AQR: variants seen among roughly 807,000 people sequenced by gnomAD.
AQR encodes the protein RNA helicase aquarius.
Under a neutral mutation model 180.5 loss-of-function variants are expected in AQR, and 61 were observed. The observed-to-expected ratio is 0.34, with a 90% CI of 0.28 to 0.42. AQR has a LOEUF of 0.42. Among genes scored for constraint, AQR ranks in the 10% least tolerant of loss-of-function variants. The pLI is 1.00. For missense variants in AQR, 1,281 were observed against 1,798.3 expected (o/e 0.71, Z 5.20); for synonymous variants, 551 against 588.8 (o/e 0.94, Z 0.93).
At position 34,858,252 on chromosome 15, in the gene AQR, A is replaced by G. The variant is rs139602013; in HGVS notation, c.4144-1146T>C. On this transcript the variant is annotated intron_variant, in intron 34 of 34. Transcript: ENST00000156471. Reference sequence around the variant, plus strand: ...ACCTACCTCAGCCTCCCAAAGTGCTAGGATTACAGGCATAAGCCACCGCGC... The same window carrying G: ...ACCTACCTCAGCCTCCCAAAGTGCTGGGATTACAGGCATAAGCCACCGCGC... Among the ~76,000 whole-genome samples, 274 of 147,346 alleles carry G rather than the reference A, an allele frequency of 1.9e-3. 6 individuals are homozygous for G. In the Middle Eastern group the frequency reaches 0.028, roughly 15 times the overall value.
intron 30 of AQR, 45 bp downstream of exon 30, chr15:34,873,783 C>A: frequency 2.7e-6 from 4 of 1,469,812 alleles, no homozygotes; most frequent in Non-Finnish European, 3.6e-6. Flanking sequence ...CATATGTCAG[C>A]CAGCAAATGC....
Position 34,874,784 on chromosome 15 carries a change from G to A in AQR, c.3318C>T (p.Asn1106=), listed in dbSNP as rs1892868885. 6.2e-7 allele frequency: 1 copy of A among 1,613,834 alleles called. No homozygotes were observed. The highest frequency in any genetic ancestry group is 1.1e-5 in the South Asian group (1 of 91,070). ...TGTTTGAGTACTTTTGAAAGGCCATGTTCTTAATAACTGGAGGTAACTGGT... is the reference window on the plus strand; with the variant it reads ...TGTTTGAGTACTTTTGAAAGGCCATATTCTTAATAACTGGAGGTAACTGGT... The part of the protein sequence containing the change: ...DHHQLPPVIK[N]MAFQKYSNME... Residue 1106 remains asparagine, a synonymous_variant, in exon 29 of 35, where the codon AAC becomes AAT. Coordinates refer to ENST00000156471, the MANE Select transcript of AQR (RefSeq NM_014691.3).
In AQR at chr15:34,867,713, C is replaced by T. The variant is rs1892756438; in HGVS notation, c.3769-104G>A. 11 of 778,552 alleles carry T rather than the reference C, an allele frequency of 1.4e-5. No individual in the cohort carries two copies. In the South Asian group the frequency reaches 1.6e-4, roughly 11 times the overall value. The allele number at this position is 778,552 out of a possible 1,614,324, so 48.2% of individuals were successfully genotyped here. ...AACAAACATCTTATCCTTAATCAATCCCAAAAGAAACATAATCATAGGCTT... is the reference window on the plus strand; with the variant it reads ...AACAAACATCTTATCCTTAATCAATTCCAAAAGAAACATAATCATAGGCTT... On this transcript the variant is annotated intron_variant, in intron 31 of 34. Transcript: ENST00000156471.
rs979976552 is a variant in AQR, at chr15:34,855,617, T to G, written c.*1175A>C. 1.1e-4 allele frequency: 16 copies of G among 151,746 alleles called. No homozygotes were observed. Among genetic ancestry groups the G allele is most frequent in the African/African-American group, 3.9e-4 (16 of 41,252 alleles). The allele number at this position is 151,746 out of a possible 1,614,324, so 9.4% of individuals were successfully genotyped here. On this transcript the variant is annotated 3_prime_UTR_variant, in exon 35 of 35. Transcript: ENST00000156471. The stretch of plus-strand genomic sequence containing the variant: ...CCTTGTCAGAAAACATTAGTCACAT[T>G]CACTGGTAATTCTACATTATAGCCT...
At chr15:34,858,933 A>G (rs1892630774) in intron 34 of AQR, among the ~76,000 whole-genome samples, 1 of 152,222 alleles carries the variant, frequency 6.6e-6, no homozygotes, top group Non-Finnish European at 1.5e-5. Flanking sequence ...AAATTAACTC[A>G]AAATGCATCA....
In AQR at chr15:34,932,423, G is replaced by A. The variant is rs756410152; in HGVS notation, c.795C>T (p.Pro265=). 1.9e-6 allele frequency: 3 copies of A among 1,592,886 alleles called. No individual in the cohort carries two copies. The highest frequency in any genetic ancestry group is 1.7e-4 in the Middle Eastern group (1 of 5,942). Residue 265 remains proline (P), a synonymous_variant, in exon 11 of 35, where the codon CCC becomes CCT. Coordinates refer to ENST00000156471, the MANE Select transcript of AQR (RefSeq NM_014691.3). Reference sequence around the variant, plus strand: ...GGATGGTATTAAACCAGCGCCTTGTGGGTAGCAGGGCCTGGGAAAAACAAA... The same window carrying A: ...GGATGGTATTAAACCAGCGCCTTGTAGGTAGCAGGGCCTGGGAAAAACAAA... ...ELMIDLEALL[P]TRRWFNTILD... is the part of the protein sequence containing the mutation.
chr15:34,856,633 TA>T lies in AQR; in HGVS notation c.*158del. ...ACTAGAATTGTTCATACACATAATT[TA>T]AAAAAATATATTCAAGACACCGAAA... On this transcript the variant is annotated 3_prime_UTR_variant, in exon 35 of 35. Transcript: ENST00000156471. 1 of 567,596 alleles carries T rather than the reference TA, an allele frequency of 1.8e-6. No homozygotes were observed. The highest frequency in any genetic ancestry group is 2.8e-6 in the Non-Finnish European group (1 of 352,204). The allele number at this position is 567,596 out of a possible 1,614,324, so 35.2% of individuals were successfully genotyped here.
intron 27 of AQR, among the ~76,000 whole-genome samples, chr15:34,877,371 G>A (rs954823347): frequency 3.9e-5 from 6 of 152,092 alleles, no homozygotes; most frequent in African/African-American, 1.4e-4. Flanking sequence ...GTGGGAGATG[G>A]GGAGAGCATA....
At chr15:34,951,401 C>T (rs1363644722) in intron 4 of AQR, among the ~76,000 whole-genome samples, 2 of 152,080 alleles carry the variant, frequency 1.3e-5, no homozygotes, top group Non-Finnish European at 2.9e-5. Context: ...CAGCTGGGTG[C>T]GGTGGCTCAT....
At chr15:34,878,237 T>C (rs1892914380) in intron 27 of AQR, among the ~76,000 whole-genome samples, 1 of 151,422 alleles carries the variant, frequency 6.6e-6, no homozygotes, top group Non-Finnish European at 1.5e-5. Flanking sequence ...ATACAGTAAG[T>C]TGGTTGGGTG....
intron 17 of AQR, 101 bp downstream of exon 17, chr15:34,910,034 G>A (rs1893475483): frequency 1.5e-6 from 2 of 1,351,656 alleles, no homozygotes; most frequent in Admixed American, 4.0e-5. Flanking sequence ...CTTAATAAAA[G>A]CTTTAAAGGA....
chr15:34,950,934 T>A (rs527519775), intron 4 of AQR, among the ~76,000 whole-genome samples: 2 of 152,202 alleles, frequency 1.3e-5, no homozygotes, highest in Non-Finnish European at 2.9e-5. Flanking sequence ...TTGGGTGTTA[T>A]CTGACTACAC....
At chr15:34,952,746 T>C (rs1894252117) in intron 4 of AQR, 139 bp downstream of exon 4, 1 of 650,156 alleles carries the variant, frequency 1.5e-6, no homozygotes, top group African/African-American at 1.9e-5. Context: ...CATATACATA[T>C]TCCAAAATAA....
intron 31 of AQR, chr15:34,869,845 G>C (rs1236914647): frequency 6.6e-6 from 1 of 152,042 alleles, no homozygotes; most frequent in Non-Finnish European, 1.5e-5. Flanking sequence ...ACTTCATTAA[G>C]TATTTCCCAA....
chr15:34,946,544 C>T, intron 5 of AQR, among the ~76,000 whole-genome samples: 1 of 145,948 alleles, frequency 6.9e-6, no homozygotes, highest in Non-Finnish European at 1.5e-5. Context: ...GGGTCAGCCC[C>T]CCGCCTGGCC....
intron 5 of AQR, among the ~76,000 whole-genome samples, chr15:34,947,503 T>C (rs1468997324): frequency 2.1e-5 from 2 of 95,354 alleles, no homozygotes; most frequent in Admixed American, 1.3e-4. Flanking sequence ...CCAAGAATGA[T>C]CAATAAAAAA....
Position 34,854,890 on chromosome 15 carries a change from A to T in AQR, c.*1902T>A, listed in dbSNP as rs1892566934. Reference sequence around the variant, plus strand: ...AGAGAAAAATCAATCTTTTCCAGGAAAGATGGTAATACAGTAAAGCTTCTT... The same window carrying T: ...AGAGAAAAATCAATCTTTTCCAGGATAGATGGTAATACAGTAAAGCTTCTT... On this transcript the variant is annotated 3_prime_UTR_variant, in exon 35 of 35. Coordinates refer to ENST00000156471, the MANE Select transcript of AQR (RefSeq NM_014691.3). 1.3e-5 allele frequency: 2 copies of T among 152,228 alleles called. No homozygotes were observed. Among genetic ancestry groups the T allele is most frequent in the African/African-American group, 2.4e-5 (1 of 41,458 alleles). 9.4% of individuals were successfully genotyped at this position (152,228 alleles called of 1,614,324 possible). A position where few individuals can be genotyped will look rare whatever the true frequency, so the allele number is the denominator to read the frequency against.
intron 1 of AQR, among the ~76,000 whole-genome samples, chr15:34,967,033 C>T (rs1400032176): frequency 1.3e-4 from 20 of 151,846 alleles, no homozygotes; most frequent in African/African-American, 3.9e-4. Flanking sequence ...TGCACCACCA[C>T]GTCCGGCTAA....
chr15:34,948,713 T>A (rs1894167428), intron 4 of AQR, among the ~76,000 whole-genome samples: 1 of 149,306 alleles, frequency 6.7e-6, no homozygotes, highest in Admixed American at 6.7e-5. Flanking sequence ...GGCAGGAGAA[T>A]CACTTGAACC....
Sources: allele counts gnomAD v4.1 joint callset (sites outside exome capture counted in the v4.1 genomes callset), GRCh38; gene constraint gnomAD v4.1.1; transcripts MANE v1.5; gene names NCBI Gene and HGNC (gene_info 2026-07-23, HGNC 2026-07-21).